The following UBOX5 variants were observed in gnomAD, a reference collection of about 807,000 sequenced individuals.
UBOX5 encodes U-box domain containing 5.
A neutral mutation model predicts 39.0 loss-of-function variants in UBOX5; 28 were observed. The ratio of observed to expected loss-of-function variants is 0.72; its 90% CI spans 0.53 to 0.98. The LOEUF is 0.98. Ranked by LOEUF, UBOX5 falls within the 50% of genes least tolerant of loss-of-function variation. UBOX5 has a pLI of 0.00. For missense variants in UBOX5, 585 were observed against 674.4 expected, an observed-to-expected ratio of 0.87 and a Z score of 1.47; for synonymous variants, 283 against 275.5, an observed-to-expected ratio of 1.03 and a Z score of -0.27.
chr20:3,148,452 T>C (rs573803825), intron 1 of UBOX5: 1 of 1,614,120 alleles, frequency 6.2e-7, no homozygotes, highest in African/African-American at 1.3e-5. Context: ...AAAACATTGA[T>C]CAGATCTTGG....
chr20:3,128,716 A>G (rs569097451), intron 1 of UBOX5, among the ~76,000 whole-genome samples: 2 of 152,286 alleles, frequency 1.3e-5, no homozygotes, highest in African/African-American at 4.8e-5. Flanking sequence ...TAAAAAGATT[A>G]GTTAGGTGTG....
At chr20:3,110,795 C>T (rs563037809) in intron 4 of UBOX5, 5 of 173,718 alleles carry the variant, frequency 2.9e-5, no homozygotes, top group Admixed American at 2.3e-4. Flanking sequence ...GCCAGGAGTT[C>T]GAGACCAGCC....
In UBOX5 at chr20:3,115,453, G is replaced by A. The variant is rs146709271; in HGVS notation, c.1269C>T (p.His423=). The change falls in exon 4 of 5, where the codon CAC becomes CAT. Residue 423 remains histidine, a synonymous_variant. Transcript: ENST00000217173. ...CCAAGCTTTGTGACAGCTTCTGCTC[G>A]TGGGACAGTGGACCTGTCGAGAGAT... ...HMDCSTGPLS[H]EQKLSQSLEI... is the part of the protein sequence containing the mutation. 1.2e-6 allele frequency: 2 copies of A among 1,613,034 alleles called. 1 individual carries two copies. Among genetic ancestry groups the A allele is most frequent in the South Asian group, 2.2e-5 (2 of 90,948 alleles).
intron 1 of UBOX5, among the ~76,000 whole-genome samples, chr20:3,152,865 T>C (rs1174183661): frequency 3.0e-4 from 46 of 151,398 alleles, no homozygotes; most frequent in Non-Finnish European, 4.4e-5. Flanking sequence ...GAGATCATAC[T>C]ACTGCATTGC....
intron 1 of UBOX5, among the ~76,000 whole-genome samples, chr20:3,138,355 A>G (rs141670204): frequency 2.3e-3 from 352 of 152,306 alleles, no homozygotes; most frequent in Admixed American, 4.2e-3. Context: ...TGTATACATA[A>G]ATAGTTGGAG....
rs757345675 is a variant in UBOX5 at position 3,149,109 on chromosome 20, A to C, written c.-42+10657T>G. ...TTGATCTCTTTGGCAGTCAGAATAC[A>C]GTCCTCACAGATTTGACCAGGCAAT... On this transcript the variant is annotated intron_variant, in intron 1 of 4. Transcript: ENST00000217173. This position sits in a 1 kb window ranked among gnomAD's most constrained non-coding sequence, Gnocchi z 4.1. 6.4e-7 allele frequency: 1 copy of C among 1,562,842 alleles called. No individual in the cohort carries two copies. Among genetic ancestry groups the C allele is most frequent in the African/African-American group, 1.4e-5 (1 of 73,386 alleles).
intron 1 of UBOX5, among the ~76,000 whole-genome samples, chr20:3,127,658 T>C (rs981158294): frequency 6.6e-6 from 1 of 152,158 alleles, no homozygotes; most frequent in Non-Finnish European, 1.5e-5. Context: ...TCCTGCGTGA[T>C]GGTAAAAGCT....
chr20:3,153,605 G>A (rs541897404), intron 1 of UBOX5, among the ~76,000 whole-genome samples: 6 of 152,288 alleles, frequency 3.9e-5, no homozygotes, highest in East Asian at 1.9e-4. Flanking sequence ...GGTTCGGGGG[G>A]CAGTACGGGG....
intron 1 of UBOX5, among the ~76,000 whole-genome samples, chr20:3,145,937 T>G (rs1448767957): frequency 1.3e-5 from 2 of 151,630 alleles, no homozygotes; most frequent in African/African-American, 4.9e-5. Flanking sequence ...CCCCAGCTAC[T>G]CAGGTGGCTG....
chr20:3,157,254 T>C (rs147034460), intron 1 of UBOX5, among the ~76,000 whole-genome samples: 93 of 152,354 alleles, frequency 6.1e-4, no homozygotes, highest in Middle Eastern at 6.8e-3. Flanking sequence ...TCTTCTGTGT[T>C]TCTGTTTCCA....
intron 3 of UBOX5, among the ~76,000 whole-genome samples, chr20:3,117,718 G>A (rs887572906): frequency 3.3e-5 from 5 of 151,884 alleles, no homozygotes; most frequent in East Asian, 1.9e-4. Flanking sequence ...AGGGCTGGGC[G>A]TGGTGGCTCA....
At chr20:3,112,159 A>AG (rs956577672) in intron 4 of UBOX5, among the ~76,000 whole-genome samples, 1 of 91,056 alleles carries the variant, frequency 1.1e-5, no homozygotes, top group Non-Finnish European at 2.2e-5. Flanking sequence ...GTGGGGAGGG[A>AG]GGGGGGAAAG....
intron 3 of UBOX5, among the ~76,000 whole-genome samples, chr20:3,119,673 G>A (rs1322963480): frequency 6.6e-6 from 1 of 152,058 alleles, no homozygotes; most frequent in Non-Finnish European, 1.5e-5. Context: ...GGCCAACATG[G>A]TGAAAACCTG....
At chr20:3,146,584 G>A in intron 1 of UBOX5, 1 of 606,692 alleles carries the variant, frequency 1.6e-6, no homozygotes, top group Non-Finnish European at 2.9e-6. Context: ...TACATTTGCA[G>A]TAATTTGTAC....
At chr20:3,152,035 G>A (rs991989813) in intron 1 of UBOX5, 13 of 150,568 alleles carry the variant, frequency 8.6e-5, no homozygotes, top group African/African-American at 3.2e-4. Context: ...AACCCAGGAG[G>A]CGGAGGTTGC....
At chr20:3,152,189 A>C (rs1191470906) in intron 1 of UBOX5, among the ~76,000 whole-genome samples, 1 of 151,304 alleles carries the variant, frequency 6.6e-6, no homozygotes, top group Non-Finnish European at 1.5e-5. Context: ...TTTTAAGAAG[A>C]CCTATTTTTG....
In UBOX5 at chr20:3,109,183, T is replaced by C. The variant is rs1037741598; in HGVS notation, c.*923A>G. ...GGTTCTTCTAGTGGCTGGAATCTGA[T>C]AGAGTACCAAGTTGTAGGGATATGG... On this transcript the variant is annotated 3_prime_UTR_variant, in exon 5 of 5. Transcript: ENST00000217173. 3.3e-5 allele frequency: 5 copies of C among 152,230 alleles called. No homozygotes were observed. The highest frequency in any genetic ancestry group is 1.3e-4 in the Admixed American group (2 of 15,278). 9.4% of individuals were successfully genotyped at this position (152,230 alleles called of 1,614,324 possible).
chr20:3,127,800 G>A (rs6115799), intron 1 of UBOX5, among the ~76,000 whole-genome samples: 4,496 of 152,128 alleles, frequency 0.03, 142 homozygotes, highest in African/African-American at 0.084. Flanking sequence ...GGTGGGGGGA[G>A]GGTGTGTATG....
chr20:3,139,938 G>A (rs1455878333), intron 1 of UBOX5, among the ~76,000 whole-genome samples: 6 of 151,342 alleles, frequency 4.0e-5, no homozygotes, highest in Admixed American at 4.0e-4. Flanking sequence ...TCGAACTCCT[G>A]ACCTTGTCAT....
Sources: allele counts gnomAD v4.1 joint callset (sites outside exome capture counted in the v4.1 genomes callset), GRCh38; gene constraint gnomAD v4.1.1; non-coding constraint Gnocchi (gnomAD v3.1); transcripts MANE v1.5; gene names NCBI Gene and HGNC (gene_info 2026-07-23, HGNC 2026-07-21).